Variants in GON4L observed in about 807,000 individuals in gnomAD.
GON4L encodes the protein GON-4-like protein.
Under a neutral mutation model 211.8 loss-of-function variants are expected in GON4L, and 87 were observed. The ratio of observed to expected loss-of-function variants is 0.41; its 90% CI spans 0.35 to 0.49. The LOEUF (loss-of-function observed/expected upper bound fraction) is 0.49. Ranked by LOEUF, GON4L falls within the 20% of genes least tolerant of loss-of-function variation. The pLI, the probability that GON4L is intolerant of heterozygous loss-of-function variation, is 0.15. For missense variants in GON4L, 2,155 were observed against 2,659.5 expected (o/e 0.81, Z 4.17); for synonymous variants, 875 against 962.6 (o/e 0.91, Z 1.68).
intron 2 of GON4L, among the ~76,000 whole-genome samples, chr1:155,832,625 C>G (rs541389048): frequency 1.3e-5 from 2 of 152,052 alleles, no homozygotes; most frequent in Admixed American, 6.6e-5. Flanking sequence ...GGTGACAGAG[C>G]GAGACTCTGT....
intron 11 of GON4L, among the ~76,000 whole-genome samples, chr1:155,801,184 T>C (rs555509301): frequency 2.4e-4 from 36 of 150,988 alleles, no homozygotes; most frequent in African/African-American, 8.8e-4. Flanking sequence ...CTGAACCTGG[T>C]AGAAACAGGA....
intron 27 of GON4L, 85 bp downstream of exon 27, chr1:155,756,873 G>A (rs1462412895): frequency 3.0e-6 from 3 of 986,098 alleles, no homozygotes; most frequent in Non-Finnish European, 4.8e-6. Context: ...AGGTTGCAGT[G>A]AGCCAAGATT....
At chr1:155,783,120 G>A (rs1664590736) in intron 14 of GON4L, among the ~76,000 whole-genome samples, 1 of 152,152 alleles carries the variant, frequency 6.6e-6, no homozygotes, top group Non-Finnish European at 1.5e-5. Context: ...GTCAAATACT[G>A]ACTTAGCAAT....
At chr1:155,838,472 A>G (rs183402250) in intron 2 of GON4L, among the ~76,000 whole-genome samples, 4 of 152,216 alleles carry the variant, frequency 2.6e-5, no homozygotes, top group Admixed American at 1.3e-4. Flanking sequence ...AATAATGACC[A>G]ATTTTGTCTA....
At chr1:155,810,088 T>C (rs975172623) in intron 10 of GON4L, among the ~76,000 whole-genome samples, 10 of 149,110 alleles carry the variant, frequency 6.7e-5, no homozygotes, top group African/African-American at 2.2e-4. Flanking sequence ...CTCCGCTTCC[T>C]GGGTTAAAGC....
intron 18 of GON4L, 151 bp from the exon 19 acceptor site, chr1:155,771,368 C>T (rs1238773600): frequency 1.3e-5 from 13 of 968,904 alleles, no homozygotes; most frequent in Admixed American, 2.1e-5. Flanking sequence ...GTGGCACCAT[C>T]GCAGCTCACT....
intron 2 of GON4L, among the ~76,000 whole-genome samples, chr1:155,835,612 C>T (rs1191309830): frequency 3.3e-5 from 5 of 152,134 alleles, no homozygotes; most frequent in African/African-American, 1.2e-4. Flanking sequence ...TGGGGACCCT[C>T]ATGGGCTGAT....
intron 2 of GON4L, among the ~76,000 whole-genome samples, chr1:155,830,238 C>T (rs777531347): frequency 7.3e-5 from 11 of 150,806 alleles, no homozygotes; most frequent in Non-Finnish European, 1.0e-4. Flanking sequence ...GCATGAGCCA[C>T]GCACCCAGCC....
Position 155,756,984 on chromosome 1 carries a change from C to T in GON4L, c.5491G>A (p.Glu1831Lys). Reference protein sequence around the residue: ...PTASKNKRKKEIGVQNHDKET... With the variant: ...PTASKNKRKKKIGVQNHDKET... ...TTATCATGATTTTGGACCCCGATCT[C>T]TTTTTTCCTCTTGTTCTTTGAGGCT... is the stretch of plus-strand genomic sequence containing the variant. The change falls in exon 27 of 32, where the codon GAG becomes AAG. Residue 1831 changes from glutamate to lysine, a missense_variant. This residue lies in a region of GON4L where 455 missense variants were observed against 504.6 expected (regional missense o/e 0.90). Coordinates refer to ENST00000368331, the MANE Select transcript of GON4L (RefSeq NM_001282860.2). The T allele has an allele frequency of 6.2e-7, 1 of 1,613,610 alleles. No individual in the cohort carries two copies. Among genetic ancestry groups the T allele is most frequent in the Non-Finnish European group, 8.5e-7 (1 of 1,179,576 alleles).
intron 1 of GON4L, among the ~76,000 whole-genome samples, chr1:155,856,221 TTCTCTC>T (rs138363426): frequency 6.6e-6 from 1 of 150,814 alleles, no homozygotes; most frequent in African/African-American, 2.4e-5. Context: ...TTTTCTTTCT[TTCTCTC>T]TCTCTCTCTT....
At chr1:155,792,604 A>T (rs768639868) in intron 12 of GON4L, among the ~76,000 whole-genome samples, 8 of 152,194 alleles carry the variant, frequency 5.3e-5, no homozygotes, top group Non-Finnish European at 7.4e-5. Flanking sequence ...ACGAAGGAGG[A>T]TCTCCCTGAG....
At chr1:155,797,676 CCT>C (rs1491095289) in intron 11 of GON4L, among the ~76,000 whole-genome samples, 85 of 149,562 alleles carry the variant, frequency 5.7e-4, no homozygotes, top group East Asian at 2.2e-3. Flanking sequence ...AGACCCCCCC[CCT>C]CCCGTCTCTA....
At chr1:155,841,133 T>G (rs1670737711) in intron 2 of GON4L, among the ~76,000 whole-genome samples, 1 of 152,264 alleles carries the variant, frequency 6.6e-6, no homozygotes, top group South Asian at 2.1e-4. Flanking sequence ...ATTCTATGCC[T>G]TGATACTAAA....
intron 14 of GON4L, 31 bp downstream of exon 14, chr1:155,783,955 T>C (rs1366390854): frequency 1.9e-6 from 3 of 1,612,082 alleles, no homozygotes; most frequent in Non-Finnish European, 2.5e-6. Context: ...TTTTCCTCTA[T>C]TCCAAATCTC....
intron 2 of GON4L, chr1:155,831,389 G>A (rs1374788360): frequency 1.3e-5 from 2 of 151,990 alleles, no homozygotes; most frequent in East Asian, 3.9e-4. Flanking sequence ...GTTAGAGGTT[G>A]TAGTGAGCCA....
In GON4L at chr1:155,762,229, C is replaced by A; in HGVS notation, c.4872G>T (p.Glu1624Asp). ...CTTGGGCAAAGGCCAAGTCCTTCTG[C>A]TCCCTGAGTGGATCTCGCTCGAGAA... ...EDILERDPLR[E>D]QKDLAFAQAY... The change falls in exon 23 of 32, where the codon GAG (glutamate) becomes GAT (aspartate). Residue 1624 changes from glutamate to aspartate, a missense_variant. Transcript: ENST00000368331. The A allele has an allele frequency of 3.7e-6, 6 of 1,610,998 alleles. No individual in the cohort carries two copies. Among genetic ancestry groups the A allele is most frequent in the Non-Finnish European group, 5.1e-6 (6 of 1,178,654 alleles).
intron 19 of GON4L, among the ~76,000 whole-genome samples, chr1:155,768,951 G>A (rs1270505113): frequency 6.6e-6 from 1 of 152,046 alleles, no homozygotes; most frequent in Non-Finnish European, 1.5e-5. Flanking sequence ...CATTTTCTGT[G>A]CACATCTTTG....
intron 2 of GON4L, among the ~76,000 whole-genome samples, chr1:155,837,063 G>A (rs1055295679): frequency 1.8e-4 from 28 of 152,116 alleles, no homozygotes; most frequent in African/African-American, 6.3e-4. Context: ...GATACTCCAG[G>A]TTTTTCAGCA....
chr1:155,788,481 C>A (rs889503696), intron 12 of GON4L, among the ~76,000 whole-genome samples: 1 of 152,028 alleles, frequency 6.6e-6, no homozygotes, highest in African/African-American at 2.4e-5. Flanking sequence ...GCTTTTCTAA[C>A]TCATAGGTGG....
Sources: gnomAD v4.1 joint callset for allele counts (sites outside exome capture counted in the v4.1 genomes callset) on GRCh38, gnomAD v4.1.1 for gene constraint, gnomAD v4.1.1 regional missense constraint, MANE v1.5 for transcripts, NCBI Gene and HGNC (gene_info 2026-07-23, HGNC 2026-07-21) for gene names.